GRM7: variants seen among roughly 807,000 people sequenced by gnomAD.
The protein encoded by GRM7 is metabotropic glutamate receptor 7.
GRM7 carries 35 observed loss-of-function variants against 84.5 expected under a neutral mutation model. The ratio of observed to expected loss-of-function variants is 0.41; its 90% CI spans 0.32 to 0.55. GRM7 has a LOEUF of 0.55. Among genes scored for constraint, GRM7 ranks in the 20% least tolerant of loss-of-function variants. The pLI, the probability that GRM7 is intolerant of heterozygous loss-of-function variation, is 0.19. For missense variants in GRM7, 1,003 were observed against 1,194.6 expected, an observed-to-expected ratio of 0.84 and a Z score of 2.36; for synonymous variants, 487 against 455.1, an observed-to-expected ratio of 1.07 and a Z score of -0.89.
At chr3:7,520,146 G>A (rs778438637) in intron 7 of GRM7, 1 of 152,282 alleles carries the variant, frequency 6.6e-6, no homozygotes, top group South Asian at 2.1e-4. Context: ...GATCAAAGGA[G>A]AGGTACATAG....
chr3:7,126,145 T>C (rs1215135661), intron 1 of GRM7, among the ~76,000 whole-genome samples: 4 of 152,182 alleles, frequency 2.6e-5, no homozygotes, highest in African/African-American at 9.7e-5. Context: ...GTTGTAAAGA[T>C]GGGCTATTTG....
chr3:7,430,457 AT>A (rs1370054801), intron 5 of GRM7, among the ~76,000 whole-genome samples: 1 of 152,250 alleles, frequency 6.6e-6, no homozygotes, highest in Non-Finnish European at 1.5e-5. Flanking sequence ...AAAATGAAAA[AT>A]ATAGATAACA....
At chr3:6,871,704 T>A (rs994531116) in intron 1 of GRM7, among the ~76,000 whole-genome samples, 1 of 152,124 alleles carries the variant, frequency 6.6e-6, no homozygotes, top group Non-Finnish European at 1.5e-5. Flanking sequence ...TCTCAACACA[T>A]CTATGATTTT....
At chr3:6,945,697 T>C (rs1392122931) in intron 1 of GRM7, among the ~76,000 whole-genome samples, 2 of 152,162 alleles carry the variant, frequency 1.3e-5, no homozygotes, top group Non-Finnish European at 2.9e-5. Flanking sequence ...AAAGTGTTCC[T>C]ATTTCTCCAC....
At chr3:7,502,018 G>A (rs974182325) in intron 7 of GRM7, among the ~76,000 whole-genome samples, 2 of 152,240 alleles carry the variant, frequency 1.3e-5, no homozygotes, top group East Asian at 1.9e-4. Flanking sequence ...AAAAAAGTTG[G>A]CTTTGGACTC....
At chr3:6,890,003 T>C (rs962186853) in intron 1 of GRM7, among the ~76,000 whole-genome samples, 1 of 152,236 alleles carries the variant, frequency 6.6e-6, no homozygotes, top group African/African-American at 2.4e-5. Flanking sequence ...CTTCTAGATT[T>C]TCTAGTTTAT....
intron 4 of GRM7, chr3:7,403,118 C>T (rs1169523241): frequency 4.6e-6 from 2 of 438,652 alleles, no homozygotes; most frequent in Non-Finnish European, 9.2e-6. Flanking sequence ...GAAGCTTCTA[C>T]AATGCACAAT....
chr3:7,238,944 CT>C (rs1697446468), intron 2 of GRM7, among the ~76,000 whole-genome samples: 1 of 141,828 alleles, frequency 7.1e-6, no homozygotes, highest in African/African-American at 2.6e-5. Flanking sequence ...TTGTTTTTCT[CT>C]TTTCCTTTTC....
intron 2 of GRM7, among the ~76,000 whole-genome samples, chr3:7,187,102 T>A (rs986531385): frequency 1.3e-5 from 2 of 152,020 alleles, no homozygotes; most frequent in African/African-American, 4.8e-5. Context: ...TGAGACCCCA[T>A]CTCTTAAAAA....
intron 2 of GRM7, among the ~76,000 whole-genome samples, chr3:7,242,462 C>T (rs765459978): frequency 5.9e-5 from 9 of 152,142 alleles, no homozygotes; most frequent in Non-Finnish European, 1.3e-4. Flanking sequence ...TTTGGCCCTG[C>T]CCACATTCAA....
chr3:7,706,596 C>G (rs912009882), intron 9 of GRM7, among the ~76,000 whole-genome samples: 1 of 152,112 alleles, frequency 6.6e-6, no homozygotes, highest in Non-Finnish European at 1.5e-5. Flanking sequence ...GGGACAGGGT[C>G]CAAGCGAAGT....
intron 2 of GRM7, among the ~76,000 whole-genome samples, chr3:7,288,920 C>A (rs1559555324): frequency 6.6e-6 from 1 of 152,106 alleles, no homozygotes; most frequent in African/African-American, 2.4e-5. Flanking sequence ...GGATGGATCC[C>A]ACATGGACAT....
At chr3:7,391,711 T>TA (rs1042766016) in intron 4 of GRM7, among the ~76,000 whole-genome samples, 2 of 143,432 alleles carry the variant, frequency 1.4e-5, no homozygotes, top group Non-Finnish European at 3.1e-5. Context: ...AGTATAATAA[T>TA]AAAAAAATAT....
intron 7 of GRM7, among the ~76,000 whole-genome samples, chr3:7,534,012 C>CTTT (rs3034006): frequency 9.0e-6 from 1 of 111,620 alleles, no homozygotes; most frequent in Admixed American, 9.5e-5. Context: ...GGGCTGAATA[C>CTTT]TTTTTTTTTT....
intron 1 of GRM7, among the ~76,000 whole-genome samples, chr3:6,885,608 A>C (rs572593032): frequency 6.6e-6 from 1 of 152,146 alleles, no homozygotes; most frequent in African/African-American, 2.4e-5. Context: ...AGAAATATGG[A>C]TTTATTCCCA....
At chr3:7,181,067 G>A (rs1695320087) in intron 2 of GRM7, among the ~76,000 whole-genome samples, 1 of 152,152 alleles carries the variant, frequency 6.6e-6, no homozygotes, top group Admixed American at 6.5e-5. Flanking sequence ...CAGGTTCAGT[G>A]TCCACTCATT....
intron 1 of GRM7, among the ~76,000 whole-genome samples, chr3:6,874,681 GTTA>G (rs759316510): frequency 6.6e-6 from 1 of 152,152 alleles, no homozygotes; most frequent in Non-Finnish European, 1.5e-5. Context: ...ACCCTTGAAT[GTTA>G]TTATACTATA....
chr3:6,911,365 G>A (rs943819057), intron 1 of GRM7, among the ~76,000 whole-genome samples: 1 of 152,032 alleles, frequency 6.6e-6, no homozygotes, highest in African/African-American at 2.4e-5. Context: ...TGAAAATCAT[G>A]TAATATAAAA....
intron 7 of GRM7, among the ~76,000 whole-genome samples, chr3:7,560,837 A>C (rs1000046266): frequency 6.6e-6 from 1 of 152,086 alleles, no homozygotes. Flanking sequence ...CCTGTTTAAC[A>C]CTTATTATAA....
Sources: allele counts gnomAD v4.1 joint callset (sites outside exome capture counted in the v4.1 genomes callset), GRCh38; gene constraint gnomAD v4.1.1; transcripts MANE v1.5; gene names NCBI Gene and HGNC (gene_info 2026-07-23, HGNC 2026-07-21).